WSCD2: variants seen among roughly 807,000 people sequenced by gnomAD.
WSCD2 encodes WSC domain sialate O sulfotransferase 2, also known as sialate:O-sulfotransferase 2.
A neutral mutation model predicts 55.7 loss-of-function variants in WSCD2; 28 were observed. That is an observed-to-expected ratio of 0.50 (90% CI 0.37 to 0.69). WSCD2 has a LOEUF of 0.69. Among genes scored for constraint, WSCD2 ranks in the 30% least tolerant of loss-of-function variants. WSCD2 has a pLI of 0.00. For synonymous variants in WSCD2, 301 were observed against 301.9 expected, an observed-to-expected ratio of 1.00 and a Z score of 0.03; for missense variants, 616 against 762.1, an observed-to-expected ratio of 0.81 and a Z score of 2.26.
At chr12:108,141,536 A>G (rs338167) in intron 1 of WSCD2, among the ~76,000 whole-genome samples, 122,253 of 152,156 alleles carry the variant, frequency 0.8, 49,339 homozygotes, top group East Asian at 0.92. Context: ...AGGGCTGCCC[A>G]TATTCCTTGG....
chr12:108,135,308 A>G (rs1344608), intron 1 of WSCD2, among the ~76,000 whole-genome samples: 28,200 of 152,202 alleles, frequency 0.19, 2,868 homozygotes, highest in Non-Finnish European at 0.22. Flanking sequence ...GTCTTCAATG[A>G]GCTTACAATC....
chr12:108,210,095 C>T lies in WSCD2; in HGVS notation c.498-26C>T. 1 of 1,613,930 alleles carries T rather than the reference C, an allele frequency of 6.2e-7. No individual in the cohort carries two copies. The highest frequency in any genetic ancestry group is 8.5e-7 in the Non-Finnish European group (1 of 1,179,948). ...CTCGGGGTCTCCATGGTGGCAGCTA[C>T]CCTGCTTGACAGCAGCCTCCCCCAG... On this transcript the variant is annotated intron_variant, in intron 3 of 8. Coordinates refer to ENST00000547525, the MANE Select transcript of WSCD2 (RefSeq NM_014653.4). This position sits in a 1 kb window ranked among gnomAD's most constrained non-coding sequence, Gnocchi z 4.3.
At chr12:108,173,939 C>T (rs1221671788) in intron 1 of WSCD2, among the ~76,000 whole-genome samples, 4 of 151,752 alleles carry the variant, frequency 2.6e-5, no homozygotes, top group African/African-American at 9.7e-5. Flanking sequence ...TAGTTTGGGC[C>T]ATTCTCCCCA....
At chr12:108,166,231 C>T (rs1879580942) in intron 1 of WSCD2, among the ~76,000 whole-genome samples, 5 of 152,258 alleles carry the variant, frequency 3.3e-5, no homozygotes, top group Admixed American at 3.3e-4. Flanking sequence ...CTCATTTGTG[C>T]AGTGGGATGA....
In WSCD2 at chr12:108,144,084, C is replaced by T. The variant is rs566661369; in HGVS notation, c.-552+14158C>T. On this transcript the variant is annotated intron_variant, in intron 1 of 8. Transcript: ENST00000547525. Reference sequence around the variant, plus strand: ...GATTTTTTTTTTTCCAAGAGAATTCCACTAATTCGGGCAATTTTAAAACCT... The same window carrying T: ...GATTTTTTTTTTTCCAAGAGAATTCTACTAATTCGGGCAATTTTAAAACCT... 5.3e-5 allele frequency among the ~76,000 whole-genome samples: 8 copies of T among 152,062 alleles called. No individual in the cohort carries two copies. The East Asian group carries it at 1.5e-3, about 29-fold the overall frequency.
intron 1 of WSCD2, among the ~76,000 whole-genome samples, chr12:108,130,668 T>C (rs1445541896): frequency 6.6e-6 from 1 of 152,088 alleles, no homozygotes; most frequent in Non-Finnish European, 1.5e-5. Context: ...ACTTCCTAAT[T>C]CTTACAGCTT....
intron 7 of WSCD2, among the ~76,000 whole-genome samples, chr12:108,237,508 C>G (rs1284058715): frequency 1.3e-5 from 2 of 152,222 alleles, no homozygotes; most frequent in African/African-American, 4.8e-5. Context: ...TGGAGTCCGG[C>G]AATTCCGCTC....
chr12:108,191,247 C>A (rs1883117691), intron 1 of WSCD2, among the ~76,000 whole-genome samples: 1 of 152,146 alleles, frequency 6.6e-6, no homozygotes, highest in South Asian at 2.1e-4. Flanking sequence ...AACACAGTAT[C>A]CAGCATATAG....
chr12:108,171,375 C>A (rs1344827381), intron 1 of WSCD2, among the ~76,000 whole-genome samples: 1 of 152,144 alleles, frequency 6.6e-6, no homozygotes, highest in Non-Finnish European at 1.5e-5. Flanking sequence ...ACAATTACAC[C>A]ATTTATTATG....
chr12:108,193,019 T>C (rs557053063), intron 1 of WSCD2, among the ~76,000 whole-genome samples: 40 of 152,226 alleles, frequency 2.6e-4, no homozygotes, highest in African/African-American at 9.6e-4. Flanking sequence ...GTTAGGAATA[T>C]AGGCTTTGAA....
intron 8 of WSCD2, 45 bp downstream of exon 8, chr12:108,240,589 C>T: frequency 2.7e-6 from 1 of 364,232 alleles, no homozygotes; most frequent in Non-Finnish European, 4.5e-6. Flanking sequence ...GGGCTTCGGG[C>T]TGCAGGGGGC....
chr12:108,146,271 G>A (rs553540416), intron 1 of WSCD2, among the ~76,000 whole-genome samples: 1 of 152,338 alleles, frequency 6.6e-6, no homozygotes, highest in South Asian at 2.1e-4. Flanking sequence ...TGGGCTTTAT[G>A]CACAGAGAGC....
chr12:108,235,550 AT>A (rs143759796), intron 7 of WSCD2, among the ~76,000 whole-genome samples: 2 of 151,744 alleles, frequency 1.3e-5, no homozygotes, highest in Non-Finnish European at 2.9e-5. Flanking sequence ...CCAAAAATTC[AT>A]TTTTTTCCTG....
In WSCD2 at chr12:108,248,503, G is replaced by A; in HGVS notation, c.*160G>A. ...AATGAGTTTCCTGCATGACAGAGGA[G>A]GCTCAAGGGAAGAGATTGCCCAGGC... On this transcript the variant is annotated 3_prime_UTR_variant, in exon 9 of 9. Coordinates refer to ENST00000547525, the MANE Select transcript of WSCD2 (RefSeq NM_014653.4). This position sits in a 1 kb window ranked among gnomAD's most constrained non-coding sequence, Gnocchi z 4.3. 1 of 1,426,422 alleles carries A rather than the reference G, an allele frequency of 7.0e-7. No homozygotes were observed. Among genetic ancestry groups the A allele is most frequent in the Non-Finnish European group, 9.1e-7 (1 of 1,094,130 alleles). The allele number at this position is 1,426,422 out of a possible 1,614,324, so 88.4% of individuals were successfully genotyped here. A position where few individuals can be genotyped will look rare whatever the true frequency, so the allele number is the denominator to read the frequency against.
intron 1 of WSCD2, among the ~76,000 whole-genome samples, chr12:108,134,838 C>T (rs1211689389): frequency 2.0e-5 from 3 of 152,160 alleles, no homozygotes; most frequent in African/African-American, 7.2e-5. Flanking sequence ...TTGTATTCAT[C>T]TAGTCTTCTG....
chr12:108,176,948 T>C (rs986518580), intron 1 of WSCD2, among the ~76,000 whole-genome samples: 1 of 152,208 alleles, frequency 6.6e-6, no homozygotes, highest in Non-Finnish European at 1.5e-5. Flanking sequence ...TGGTGGCATC[T>C]CATTGTGATT....
In WSCD2 at chr12:108,206,296, C is replaced by T; in HGVS notation, c.390C>T (p.Tyr130=). ...VREKEEERAK[Y]IGCYLDDTQS... ...GTTTTCCTTTCCCCAAAGCCAAGTA[C>T]ATCGGCTGCTACCTGGATGACACCC... Residue 130 remains tyrosine (Y), a synonymous_variant, in exon 3 of 9, where the codon TAC becomes TAT. Transcript: ENST00000547525. The T allele has an allele frequency of 6.2e-7, 1 of 1,614,212 alleles. No individual in the cohort carries two copies.
intron 1 of WSCD2, among the ~76,000 whole-genome samples, chr12:108,192,267 G>A (rs962985014): frequency 1.3e-5 from 2 of 152,190 alleles, no homozygotes; most frequent in South Asian, 2.1e-4. Flanking sequence ...CTTTTTAGGG[G>A]AGAAGTCAAG....
At chr12:108,137,078 C>T (rs1344725418) in intron 1 of WSCD2, among the ~76,000 whole-genome samples, 1 of 152,204 alleles carries the variant, frequency 6.6e-6, no homozygotes, top group African/African-American at 2.4e-5. Context: ...GGATCACCCA[C>T]ATTTCTTCCC....
Sources: gnomAD v4.1 joint callset for allele counts (sites outside exome capture counted in the v4.1 genomes callset) on GRCh38, gnomAD v4.1.1 for gene constraint, Gnocchi (gnomAD v3.1) non-coding constraint, MANE v1.5 for transcripts, NCBI Gene and HGNC (gene_info 2026-07-23, HGNC 2026-07-21) for gene names.